Variants in UBA3 observed in about 807,000 individuals in gnomAD.
UBA3 encodes the protein NEDD8-activating enzyme E1 catalytic subunit.
A neutral mutation model predicts 73.5 loss-of-function variants in UBA3; 26 were observed. The observed-to-expected ratio is 0.35, with a 90% confidence interval of 0.26 to 0.49. UBA3 has a LOEUF of 0.49. Among genes scored for constraint, UBA3 ranks in the 20% least tolerant of loss-of-function variants. UBA3 has a pLI of 0.98. For synonymous variants in UBA3, 217 were observed against 191.2 expected (o/e 1.13, Z -1.11); for missense variants, 495 against 555.6 (o/e 0.89, Z 1.10).
Position 69,075,441 on chromosome 3 carries a change from G to A in UBA3, c.253C>T (p.Leu85=). 6.5e-7 allele frequency: 1 copy of A among 1,535,998 alleles called. No individual in the cohort carries two copies. The highest frequency in any genetic ancestry group is 8.7e-7 in the Non-Finnish European group (1 of 1,144,368). ...TGTATATATATTACCAGATTTTTCA[G>A]GAGCTCACATCCTAAGCCGCCAGCT... ...IGAGGLGCEL[L]KNLALSGFRQ... The change falls in exon 4 of 18, where the codon CTG becomes TTG. Residue 85 remains leucine, a synonymous_variant. Transcript: ENST00000361055.
intron 3 of UBA3, among the ~76,000 whole-genome samples, chr3:69,075,893 G>C (rs975410099): frequency 6.6e-6 from 1 of 151,984 alleles, no homozygotes; most frequent in African/African-American, 2.4e-5. Context: ...TACCACACCT[G>C]GCTAATTTTT....
chr3:69,065,246 A>G (rs893825638), intron 6 of UBA3, among the ~76,000 whole-genome samples: 2 of 142,016 alleles, frequency 1.4e-5, no homozygotes, highest in African/African-American at 2.6e-5. Flanking sequence ...ACCCACCCCC[A>G]CCAACTCTTC....
At chr3:69,062,860 G>A in intron 9 of UBA3, 122 bp downstream of exon 9, 3 of 1,197,894 alleles carry the variant, frequency 2.5e-6, no homozygotes, top group Non-Finnish European at 3.5e-6. Context: ...TTTCTTCTTA[G>A]TGTAATTTTT....
intron 6 of UBA3, among the ~76,000 whole-genome samples, chr3:69,066,647 G>T (rs1015883699): frequency 6.6e-6 from 1 of 151,974 alleles, no homozygotes; most frequent in Admixed American, 6.6e-5. Flanking sequence ...GGCCAGGCTG[G>T]TCTCGAACTC....
chr3:69,065,542 A>C (rs1000137675), intron 6 of UBA3, among the ~76,000 whole-genome samples: 4 of 152,196 alleles, frequency 2.6e-5, no homozygotes, highest in African/African-American at 9.7e-5. Flanking sequence ...TCCTGGGCTT[A>C]ACTGATCTTC....
intron 17 of UBA3, 39 bp from the exon 18 acceptor site, chr3:69,055,564 A>C (rs543392466): frequency 6.7e-7 from 1 of 1,482,786 alleles, no homozygotes; most frequent in African/African-American, 1.4e-5. Flanking sequence ...AGCAAAAAAA[A>C]CTCAACAGAA....
In UBA3 at chr3:69,055,459, A is replaced by T. The variant is rs1417259960; in HGVS notation, c.1370T>A (p.Phe457Tyr). Reference protein sequence around the residue: ...ADVTTPQTVLFKLHFTS With the variant: ...ADVTTPQTVLYKLHFTS ...TCCTTAAGAAGTAAAATGAAGTTTG[A>T]ATAGTACAGTCTGTGGGGTGGTGAC... The change falls in exon 18 of 18, where the codon TTC becomes TAC. Residue 457 changes from phenylalanine (F) to tyrosine (Y), a missense_variant. Physicochemically the swap from Phe to Tyr is conservative, Grantham distance 22 (BLOSUM62 3). Coordinates refer to ENST00000361055, the MANE Select transcript of UBA3 (RefSeq NM_003968.4). 1 of 1,549,642 alleles carries T rather than the reference A, an allele frequency of 6.5e-7. No individual in the cohort carries two copies. Among genetic ancestry groups the T allele is most frequent in the Non-Finnish European group, 8.6e-7 (1 of 1,159,544 alleles).
intron 5 of UBA3, 175 bp downstream of exon 5, chr3:69,071,360 G>A (rs2092120788): frequency 6.0e-6 from 3 of 497,306 alleles, no homozygotes; most frequent in Admixed American, 4.3e-5. Context: ...TCACCAAGAT[G>A]CCCAAAATTT....
chr3:69,057,359 G>A (rs767172884), intron 11 of UBA3, 50 bp from the exon 12 acceptor site: 2 of 1,517,540 alleles, frequency 1.3e-6, no homozygotes, highest in East Asian at 2.3e-5. Flanking sequence ...AAATAAAAGA[G>A]TTCTCTTAAA....
At position 69,077,872 on chromosome 3, in the gene UBA3, G is replaced by A; in HGVS notation, c.109C>T (p.Arg37Cys). The A allele has an allele frequency of 3.1e-6, 5 of 1,613,946 alleles. No homozygotes were observed. The highest frequency in any genetic ancestry group is 4.2e-6 in the Non-Finnish European group (5 of 1,180,000). The change falls in exon 3 of 18, where the codon CGC becomes TGC. Residue 37 changes from arginine to cysteine, a missense_variant. By Grantham distance (180) the Arg-to-Cys change is radical. Transcript: ENST00000361055. ...GCGDTGDWEG[R>C]WNHVKKFLER... ...AGGAACTTCTTTACATGGTTCCAGC[G>A]ACCTTCCCAGTCTCCAGTGTCCCCA...
chr3:69,074,167 AAAT>A (rs1236367076), intron 4 of UBA3, among the ~76,000 whole-genome samples: 2 of 152,234 alleles, frequency 1.3e-5, no homozygotes, highest in Non-Finnish European at 2.9e-5. Flanking sequence ...TCACATTTGC[AAAT>A]AATGGCTTCA....
rs1463025587 is a variant in UBA3, at chr3:69,056,686, T to G, written c.1009A>C (p.Ile337Leu). 6.2e-6 allele frequency: 10 copies of G among 1,613,166 alleles called. No individual in the cohort carries two copies. The change falls in exon 14 of 18, where the codon ATT (isoleucine) becomes CTT (leucine). Residue 337 changes from isoleucine (I) to leucine (L), a missense_variant. Transcript: ENST00000361055. ...EVFKIATSAY[I>L]PLNNYLVFND... is the part of the protein sequence containing the mutation. ...AACACCAAGTAATTATTCAAGGGAA[T>G]GTATGCACTGTAATGAAAAAATGTT... is the stretch of plus-strand genomic sequence containing the variant.
chr3:69,057,428 C>T, intron 11 of UBA3, 119 bp from the exon 12 acceptor site: 1 of 859,618 alleles, frequency 1.2e-6, no homozygotes, highest in Non-Finnish European at 1.8e-6. Flanking sequence ...GACTTTCAAG[C>T]CAGAAAATAA....
intron 12 of UBA3, 118 bp downstream of exon 12, chr3:69,057,138 A>G: frequency 9.3e-7 from 1 of 1,078,856 alleles, no homozygotes; most frequent in Admixed American, 2.4e-5. Flanking sequence ...CTTTTTCGAC[A>G]GCTTAGTTAC....
intron 4 of UBA3, among the ~76,000 whole-genome samples, chr3:69,071,930 T>C (rs2092125075): frequency 6.6e-6 from 1 of 152,234 alleles, no homozygotes; most frequent in African/African-American, 2.4e-5. Flanking sequence ...TTTGCTGCTA[T>C]TGATGGATAC....
Position 69,056,628 on chromosome 3 carries a change from A to G in UBA3, c.1067T>C (p.Phe356Ser). 1.2e-6 allele frequency: 2 copies of G among 1,611,868 alleles called. No individual in the cohort carries two copies. The highest frequency in any genetic ancestry group is 1.7e-6 in the Non-Finnish European group (2 of 1,178,554). Residue 356 changes from phenylalanine to serine, a missense_variant, in exon 14 of 18, where the codon TTT (phenylalanine) becomes TCT (serine). By Grantham distance (155) the Phe-to-Ser change is radical (BLOSUM62 -2). Coordinates refer to ENST00000361055, the MANE Select transcript of UBA3 (RefSeq NM_003968.4). ...ACTACTAACCTTTCTTTCTGCTTCA[A>G]ATGTGTATGTATACAGCCCATCTAC... ...NDVDGLYTYTFEAERKENCPA... is the reference protein window; with the variant it reads ...NDVDGLYTYTSEAERKENCPA...
chr3:69,067,797 T>A, intron 6 of UBA3, 131 bp downstream of exon 6: 1 of 554,588 alleles, frequency 1.8e-6, no homozygotes. Context: ...CCAGCAGTTA[T>A]CTCAGTAATA....
At chr3:69,080,228 C>CGG in intron 1 of UBA3, 75 bp from the exon 2 acceptor site, 1 of 459,598 alleles carries the variant, frequency 2.2e-6, no homozygotes, top group Non-Finnish European at 3.9e-6. Flanking sequence ...GGCGAGGGGA[C>CGG]GGGGCGGGGG....
At position 69,071,525 on chromosome 3, in the gene UBA3, T is replaced by C; in HGVS notation, c.347+10A>G. ...TAAAAAAAGAAAACCGCTAAGATATTAAAACTTACCTAAATAAAAACTGCC... is the reference window on the plus strand; with the variant it reads ...TAAAAAAAGAAAACCGCTAAGATATCAAAACTTACCTAAATAAAAACTGCC... On this transcript the variant is annotated intron_variant, in intron 5 of 17. Coordinates refer to ENST00000361055, the MANE Select transcript of UBA3 (RefSeq NM_003968.4). 1 of 1,444,692 alleles carries C rather than the reference T, an allele frequency of 6.9e-7. No homozygotes were observed. The highest frequency in any genetic ancestry group is 9.4e-7 in the Non-Finnish European group (1 of 1,058,408). 89.5% of individuals were successfully genotyped at this position (1,444,692 alleles called of 1,614,324 possible). A position where few individuals can be genotyped will look rare whatever the true frequency, so the allele number is the denominator to read the frequency against.
Sources: gnomAD v4.1 joint callset for allele counts (sites outside exome capture counted in the v4.1 genomes callset) on GRCh38, gnomAD v4.1.1 for gene constraint, MANE v1.5 for transcripts, NCBI Gene and HGNC (gene_info 2026-07-23, HGNC 2026-07-21) for gene names.